Variants in ADCY9 observed in about 807,000 individuals in gnomAD.
ADCY9 encodes the protein adenylate cyclase 9.
A neutral mutation model predicts 101.5 loss-of-function variants in ADCY9; 50 were observed. The observed-to-expected ratio is 0.49, with a 90% CI of 0.39 to 0.62. The LOEUF (loss-of-function observed/expected upper bound fraction) is 0.62, where lower values mean the gene tolerates loss of function less well. ADCY9 is among the 20% of genes least tolerant of loss of function. The pLI, the probability that ADCY9 is intolerant of heterozygous loss-of-function variation, is 0.00. For synonymous variants in ADCY9, 905 were observed against 769.3 expected (o/e 1.18, Z -2.92); for missense variants, 1,662 against 1,800.4 (o/e 0.92, Z 1.39).
At chr16:3,989,599 C>G (rs910173214) in intron 5 of ADCY9, among the ~76,000 whole-genome samples, 2 of 152,154 alleles carry the variant, frequency 1.3e-5, no homozygotes, top group Admixed American at 1.3e-4. Context: ...AGGCTGGTCT[C>G]GAACTCCTGG....
At chr16:4,070,256 C>T (rs1042395261) in intron 2 of ADCY9, among the ~76,000 whole-genome samples, 5 of 151,874 alleles carry the variant, frequency 3.3e-5, no homozygotes, top group Admixed American at 1.3e-4. Context: ...ATAATTTTCA[C>T]GCATATATTT....
intron 2 of ADCY9, among the ~76,000 whole-genome samples, chr16:4,074,614 G>A (rs1396436517): frequency 1.3e-5 from 2 of 151,396 alleles, no homozygotes; most frequent in South Asian, 2.1e-4. Context: ...CTACTTGGGC[G>A]ACAGAGGCGG....
intron 2 of ADCY9, among the ~76,000 whole-genome samples, chr16:4,059,756 G>T (rs967010126): frequency 9.2e-5 from 14 of 152,118 alleles, no homozygotes; most frequent in Admixed American, 7.9e-4. Flanking sequence ...AAGTCAGCCT[G>T]GCGTGGTGAT....
chr16:4,049,165 G>A (rs114722753), intron 2 of ADCY9, among the ~76,000 whole-genome samples: 1 of 152,198 alleles, frequency 6.6e-6, no homozygotes, highest in African/African-American at 2.4e-5. Context: ...TCACCCAGAA[G>A]AGGAGGTCCC....
At chr16:4,052,292 C>T (rs902083189) in intron 2 of ADCY9, among the ~76,000 whole-genome samples, 2 of 152,166 alleles carry the variant, frequency 1.3e-5, no homozygotes, top group Non-Finnish European at 2.9e-5. Context: ...GGGCGGGCTC[C>T]GGGGCCTCTG....
At chr16:4,075,334 T>C (rs1296892151) in intron 2 of ADCY9, among the ~76,000 whole-genome samples, 2 of 152,134 alleles carry the variant, frequency 1.3e-5, no homozygotes, top group Non-Finnish European at 1.5e-5. Context: ...AGATGGGGTT[T>C]TGCCATGTTG....
intron 9 of ADCY9, 24 bp downstream of exon 9, chr16:3,977,458 C>T: frequency 6.5e-7 from 1 of 1,543,904 alleles, no homozygotes; most frequent in South Asian, 1.2e-5. Flanking sequence ...ACCCTGGTGC[C>T]CGCAAGCAGT....
intron 9 of ADCY9, among the ~76,000 whole-genome samples, chr16:3,976,925 T>C (rs2056097420): frequency 6.6e-6 from 1 of 152,242 alleles, no homozygotes; most frequent in African/African-American, 2.4e-5. Flanking sequence ...CCCAAAGTGC[T>C]GGGATTACAG....
In ADCY9 at chr16:4,114,736, G is replaced by A. The variant is rs760361419; in HGVS notation, c.707C>T (p.Thr236Ile). 9 of 1,613,146 alleles carry A rather than the reference G, an allele frequency of 5.6e-6. No homozygotes were observed. The highest frequency in any genetic ancestry group is 4.2e-6 in the Non-Finnish European group (5 of 1,180,050). The change falls in exon 2 of 11, where the codon ACC becomes ATC. Residue 236 changes from threonine to isoleucine, a missense_variant. Transcript: ENST00000294016. The surrounding 1 kb of genome is among the most constrained non-coding windows in gnomAD (Gnocchi z 4.3). ...MCIEVLFLLY[T>I]VMHLPLYLSL... ...CAGGTACAAAGGTAAGTGCATGACGGTATAGAGCAAAAAGAGCACTTCGAT... is the reference window on the plus strand; with the variant it reads ...CAGGTACAAAGGTAAGTGCATGACGATATAGAGCAAAAAGAGCACTTCGAT...
intron 2 of ADCY9, among the ~76,000 whole-genome samples, chr16:4,067,904 G>A (rs1187257130): frequency 6.6e-6 from 1 of 152,074 alleles, no homozygotes; most frequent in Non-Finnish European, 1.5e-5. Context: ...ACTCTATGTT[G>A]CACTTTTGGT....
intron 10 of ADCY9, among the ~76,000 whole-genome samples, chr16:3,971,884 G>A (rs1217194866): frequency 2.0e-5 from 3 of 152,174 alleles, no homozygotes; most frequent in Admixed American, 6.5e-5. Context: ...ATCTGCGGGA[G>A]CCGGAGCCAG....
intron 2 of ADCY9, among the ~76,000 whole-genome samples, chr16:4,092,729 A>C (rs1284087833): frequency 6.6e-6 from 1 of 152,190 alleles, no homozygotes; most frequent in Non-Finnish European, 1.5e-5. Context: ...AACCTCACTT[A>C]CTCAGACTAT....
intron 2 of ADCY9, among the ~76,000 whole-genome samples, chr16:4,070,120 ATG>A (rs58833048): frequency 0.53 from 79,097 of 149,250 alleles, 20,784 homozygotes; most frequent in South Asian, 0.64. Context: ...ATGTGTGTGT[ATG>A]TGTGTGTGTG....
chr16:3,974,588 G>A, intron 10 of ADCY9, 81 bp downstream of exon 10: 1 of 1,177,448 alleles, frequency 8.5e-7, no homozygotes, highest in Non-Finnish European at 1.2e-6. Context: ...AGATCCCATT[G>A]TTTTCAGGAA....
chr16:4,026,699 C>T (rs755002983), intron 2 of ADCY9, among the ~76,000 whole-genome samples: 31 of 152,232 alleles, frequency 2.0e-4, no homozygotes, highest in African/African-American at 6.7e-4. Context: ...GCATCCAGGA[C>T]GAATCTCAAT....
chr16:4,005,919 C>G (rs903718989), intron 3 of ADCY9, among the ~76,000 whole-genome samples: 5 of 152,190 alleles, frequency 3.3e-5, no homozygotes, highest in African/African-American at 1.2e-4. Flanking sequence ...GCCAGCCCCT[C>G]CCTGCCCGGG....
At chr16:4,063,605 G>C (rs1001075452) in intron 2 of ADCY9, among the ~76,000 whole-genome samples, 1 of 151,924 alleles carries the variant, frequency 6.6e-6, no homozygotes, top group East Asian at 1.9e-4. Flanking sequence ...TCAGCTCCTT[G>C]GGGGGCTGAG....
Position 3,966,784 on chromosome 16 carries a change from CGGT to C in ADCY9, c.3050_3052del (p.His1017del). ...GTCCCGCATGCTCTGGATCTTGGTG[CGGT>C]GAAGATCCGCTTCCACGTCTCCGTG... On this transcript the variant is annotated inframe_deletion, in exon 11 of 11. Transcript: ENST00000294016. 6.2e-7 allele frequency: 1 copy of C among 1,614,184 alleles called. No individual in the cohort carries two copies. The highest frequency in any genetic ancestry group is 8.5e-7 in the Non-Finnish European group (1 of 1,180,030).
At chr16:3,958,236 G>A (rs955217669), downstream of ADCY9, among the ~76,000 whole-genome samples, 1 of 152,100 alleles carries the variant, frequency 6.6e-6, no homozygotes, top group Admixed American at 6.6e-5. Context: ...TGCCGAGGGA[G>A]GAATTTTAAA....
Sources: gnomAD v4.1 joint callset for allele counts (sites outside exome capture counted in the v4.1 genomes callset) on GRCh38, gnomAD v4.1.1 for gene constraint, Gnocchi (gnomAD v3.1) non-coding constraint, MANE v1.5 for transcripts, NCBI Gene and HGNC (gene_info 2026-07-23, HGNC 2026-07-21) for gene names.